The following CNOT6 variants were observed in gnomAD, a reference collection of about 807,000 sequenced individuals.
The protein encoded by CNOT6 is carbon catabolite repression 4 protein.
Under a neutral mutation model 61.2 loss-of-function variants are expected in CNOT6, and 12 were observed. That is an observed-to-expected ratio of 0.20 (90% confidence interval 0.13 to 0.32). The LOEUF (loss-of-function observed/expected upper bound fraction) is 0.32, where lower values mean the gene tolerates loss of function less well. CNOT6 is among the 10% of genes least tolerant of loss of function. CNOT6 has a pLI of 1.00. For missense variants in CNOT6, 405 were observed against 663.9 expected (o/e 0.61, Z 4.28); for synonymous variants, 225 against 240.6 (o/e 0.94, Z 0.60).
intron 3 of CNOT6, 112 bp downstream of exon 3, chr5:180,550,229 A>T (rs1759526593): frequency 1.4e-6 from 1 of 737,440 alleles, no homozygotes; most frequent in Non-Finnish European, 2.2e-6. Context: ...CTGCGAGAGG[A>T]TCATGAGGTC....
intron 4 of CNOT6, among the ~76,000 whole-genome samples, chr5:180,563,721 G>A (rs1227486980): frequency 1.3e-5 from 2 of 152,208 alleles, no homozygotes. Context: ...GTGGCATCCA[G>A]AATAATACAC....
At position 180,552,604 on chromosome 5, in the gene CNOT6, T is replaced by TGC. The variant is rs1561656739; in HGVS notation, c.300-782_300-781insGC. 9.4e-5 allele frequency among the ~76,000 whole-genome samples: 14 copies of TGC among 148,726 alleles called. 1 individual carries two copies. The highest frequency in any genetic ancestry group is 3.5e-4 in the African/African-American group (14 of 40,174). Reference sequence around the variant, plus strand: ...GAGCTTGCAGTGAGCCGAGATCGCATCACTGCACTCCAGCCTGGGCAATGG... The same window carrying TGC: ...GAGCTTGCAGTGAGCCGAGATCGCATGCCACTGCACTCCAGCCTGGGCAATGG... On this transcript the variant is annotated intron_variant, in intron 3 of 11. Coordinates refer to ENST00000261951, the MANE Select transcript of CNOT6 (RefSeq NM_001370472.1).
intron 1 of CNOT6, among the ~76,000 whole-genome samples, chr5:180,527,831 G>A (rs1758172535): frequency 6.6e-6 from 1 of 152,200 alleles, no homozygotes; most frequent in Non-Finnish European, 1.5e-5. Context: ...ACGTGAGCAA[G>A]CATTACTGCC....
intron 2 of CNOT6, among the ~76,000 whole-genome samples, chr5:180,548,467 CTCTCTGA>C (rs1273356448): frequency 6.6e-6 from 1 of 152,184 alleles, no homozygotes; most frequent in African/African-American, 2.4e-5. Context: ...CTCTTCTCTT[CTCTCTGA>C]TGTTCTGCCT....
At position 180,519,242 on chromosome 5, in the gene CNOT6, G is replaced by A. The variant is rs374871714; in HGVS notation, c.-2-10033G>A. On this transcript the variant is annotated intron_variant, in intron 1 of 11. Coordinates refer to ENST00000261951, the MANE Select transcript of CNOT6 (RefSeq NM_001370472.1). ...ACAAGGGCTTATTGCAGGAGTTGAT[G>A]TTGGTTCATTGGTAGAGAAAGCTGT... Among the ~76,000 whole-genome samples, 12 of 152,344 alleles carry A rather than the reference G, an allele frequency of 7.9e-5. No individual in the cohort carries two copies. In the East Asian group the frequency reaches 1.3e-3, roughly 17 times the overall value.
Position 180,569,238 on chromosome 5 carries a change from A to T in CNOT6, c.1156A>T (p.Ile386Phe), listed in dbSNP as rs570052121. 2 of 1,614,230 alleles carry T rather than the reference A, an allele frequency of 1.2e-6. No individual in the cohort carries two copies. Among genetic ancestry groups the T allele is most frequent in the South Asian group, 1.1e-5 (1 of 91,088 alleles). The change falls in exon 10 of 12, where the codon ATT becomes TTT. Residue 386 changes from isoleucine (I) to phenylalanine (F), a missense_variant. Physicochemically the swap from Ile to Phe is conservative, Grantham distance 21. Around this residue, in one of 5 missense-constraint regions of CNOT6, gnomAD observed 116 missense variants for 184.6 expected, o/e 0.63. Coordinates refer to ENST00000261951, the MANE Select transcript of CNOT6 (RefSeq NM_001370472.1). ...GATGTTCCTCTCAGAAGTGAAGAAC[A>T]TTATTGATAAAGCCTCTCGCAACCT... ...TMMFLSEVKN[I>F]IDKASRNLKS...
chr5:180,574,359 C>T lies in CNOT6; in HGVS notation c.*159C>T. 4 of 644,438 alleles carry T rather than the reference C, an allele frequency of 6.2e-6. No homozygotes were observed. Among genetic ancestry groups the T allele is most frequent in the Non-Finnish European group, 1.1e-5 (4 of 369,530 alleles). The allele number at this position is 644,438 out of a possible 1,614,324, so 39.9% of individuals were successfully genotyped here. A position where few individuals can be genotyped will look rare whatever the true frequency, so the allele number is the denominator to read the frequency against. ...AAGGATATAGTATGAAAGCCAGGTG[C>T]TAGCAACAGACAAATTCTGAGCCCA... On this transcript the variant is annotated 3_prime_UTR_variant, in exon 12 of 12. Coordinates refer to ENST00000261951, the MANE Select transcript of CNOT6 (RefSeq NM_001370472.1).
rs138132442 is a variant in CNOT6 at position 180,507,909 on chromosome 5, C to G, written c.-3+13146C>G. Among the ~76,000 whole-genome samples the G allele has an allele frequency of 5.6e-3, 847 of 152,162 alleles. 5 individuals are homozygous for G. Among genetic ancestry groups the G allele is most frequent in the Non-Finnish European group, 8.8e-3 (598 of 67,964 alleles). ...CACACTTTTAAACAACCAGATCTTG[C>G]GATAACTCACTTTCTGAGACAGCAC... is the stretch of plus-strand genomic sequence containing the variant. On this transcript the variant is annotated intron_variant, in intron 1 of 11. Transcript: ENST00000261951.
At chr5:180,547,728 GTTGTTTGT>G (rs369536134) in intron 2 of CNOT6, among the ~76,000 whole-genome samples, 1 of 151,990 alleles carries the variant, frequency 6.6e-6, no homozygotes, top group Non-Finnish European at 1.5e-5. Context: ...AGTTCATGGA[GTTGTTTGT>G]TTGTTTGTTT....
intron 3 of CNOT6, among the ~76,000 whole-genome samples, chr5:180,551,544 T>G (rs952473062): frequency 2.0e-5 from 3 of 152,082 alleles, no homozygotes; most frequent in Non-Finnish European, 4.4e-5. Flanking sequence ...GGCCCATGAT[T>G]ATTATTATTA....
At chr5:180,566,431 G>T (rs931547201) in intron 7 of CNOT6, among the ~76,000 whole-genome samples, 2 of 152,040 alleles carry the variant, frequency 1.3e-5, no homozygotes, top group Non-Finnish European at 2.9e-5. Context: ...TCTGCCCAAG[G>T]GTCTGAAGTT....
At chr5:180,566,640 C>CT (rs70973940) in intron 7 of CNOT6, among the ~76,000 whole-genome samples, 3,637 of 75,486 alleles carry the variant, frequency 0.048, 384 homozygotes, top group Non-Finnish European at 0.054. Flanking sequence ...AAAGATGTTA[C>CT]TTTTTTTTTT....
chr5:180,496,147 C>T (rs1010329766), intron 1 of CNOT6, among the ~76,000 whole-genome samples: 1 of 152,190 alleles, frequency 6.6e-6, no homozygotes, highest in Non-Finnish European at 1.5e-5. Context: ...AAGCGATCTT[C>T]CTTCCTTGGC....
rs1756506323 is a variant in CNOT6 at position 180,494,695 on chromosome 5, G to C, written c.-71G>C. The C allele has an allele frequency of 6.5e-6, 1 of 153,194 alleles. No homozygotes were observed. Among genetic ancestry groups the C allele is most frequent in the African/African-American group, 2.4e-5 (1 of 41,162 alleles). 9.5% of individuals were successfully genotyped at this position (153,194 alleles called of 1,614,324 possible). On this transcript the variant is annotated 5_prime_UTR_variant, in exon 1 of 12. Transcript: ENST00000261951. ...CGGGACTGGTATGGTGGTTCCACAG[G>C]GCAGACCCCGCTGCACTCACAGGGA...
chr5:180,509,320 A>G (rs1221706412), intron 1 of CNOT6, among the ~76,000 whole-genome samples: 1 of 151,798 alleles, frequency 6.6e-6, no homozygotes, highest in Non-Finnish European at 1.5e-5. Flanking sequence ...TTTTTTCTAC[A>G]GACCAGGTTT....
At chr5:180,503,601 C>CTTTTTTTTT (rs56187510) in intron 1 of CNOT6, among the ~76,000 whole-genome samples, 5 of 66,130 alleles carry the variant, frequency 7.6e-5, no homozygotes, top group Admixed American at 2.2e-4. Flanking sequence ...GCCCTACTTC[C>CTTTTTTTTT]TTTTTTTTTT....
intron 2 of CNOT6, among the ~76,000 whole-genome samples, chr5:180,537,218 A>G (rs1235350937): frequency 6.6e-6 from 1 of 152,110 alleles, no homozygotes; most frequent in Non-Finnish European, 1.5e-5. Context: ...AGTTTTGCCA[A>G]AAAGTACCAA....
rs773884837 is a variant in CNOT6 at position 180,577,990 on chromosome 5, G to A, written c.*3790G>A. 1.3e-5 allele frequency: 2 copies of A among 152,600 alleles called. No homozygotes were observed. Among genetic ancestry groups the A allele is most frequent in the Admixed American group, 6.5e-5 (1 of 15,284 alleles). 9.5% of individuals were successfully genotyped at this position (152,600 alleles called of 1,614,324 possible). A position where few individuals can be genotyped will look rare whatever the true frequency, so the allele number is the denominator to read the frequency against. On this transcript the variant is annotated 3_prime_UTR_variant, in exon 12 of 12. Transcript: ENST00000261951. ...TTCAAATATTTTAGAAGTGTAGTTT[G>A]TATAGCTGTAGTACTGAGGTTTGAG...
Position 180,574,387 on chromosome 5 carries a change from A to G in CNOT6, c.*187A>G, listed in dbSNP as rs1413312838. Reference sequence around the variant, plus strand: ...GCAACAGACAAATTCTGAGCCCAATATGCTTTATACTGCTAGACAGGGATT... The same window carrying G: ...GCAACAGACAAATTCTGAGCCCAATGTGCTTTATACTGCTAGACAGGGATT... On this transcript the variant is annotated 3_prime_UTR_variant, in exon 12 of 12. Coordinates refer to ENST00000261951, the MANE Select transcript of CNOT6 (RefSeq NM_001370472.1). 1 of 608,930 alleles carries G rather than the reference A, an allele frequency of 1.6e-6. No homozygotes were observed. The highest frequency in any genetic ancestry group is 2.9e-6 in the Non-Finnish European group (1 of 342,414). The allele number at this position is 608,930 out of a possible 1,614,324, so 37.7% of individuals were successfully genotyped here.
Sources: allele counts gnomAD v4.1 joint callset (sites outside exome capture counted in the v4.1 genomes callset), GRCh38; gene constraint gnomAD v4.1.1; regional missense constraint gnomAD v4.1.1; transcripts MANE v1.5; gene names NCBI Gene and HGNC (gene_info 2026-07-23, HGNC 2026-07-21).